The following CUL3 variants were observed in gnomAD, a reference collection of about 807,000 sequenced individuals.
CUL3 encodes the protein cullin 3, also known as cullin-3.
Under a neutral mutation model 89.1 loss-of-function variants are expected in CUL3, and 19 were observed. That is an observed-to-expected ratio of 0.21 (90% CI 0.15 to 0.31). The LOEUF is 0.31. CUL3 is among the 10% of genes least tolerant of loss of function. The pLI is 1.00. For missense variants in CUL3, 469 were observed against 942.3 expected, an observed-to-expected ratio of 0.50 and a Z score of 6.58; for synonymous variants, 351 against 308.4, an observed-to-expected ratio of 1.14 and a Z score of -1.45.
chr2:224,472,553 C>G lies in CUL3; in HGVS notation c.*1692G>C, dbSNP rs1691168817. 5.4e-6 allele frequency: 1 copy of G among 186,612 alleles called. No homozygotes were observed. The highest frequency in any genetic ancestry group is 1.1e-5 in the Non-Finnish European group (1 of 88,454). 11.6% of individuals were successfully genotyped at this position (186,612 alleles called of 1,614,324 possible). ...ATGTTACACCTGACTTAGTACTACT[C>G]AAGTATGGTAAAAGTGTCCTGAGAA... On this transcript the variant is annotated 3_prime_UTR_variant, in exon 16 of 16. Transcript: ENST00000264414.
chr2:224,474,531 A>AAATGT, intron 15 of CUL3, 155 bp from the exon 16 acceptor site: 1 of 616,660 alleles, frequency 1.6e-6, no homozygotes, highest in South Asian at 2.3e-5. Context: ...TTCTGTTTGA[A>AAATGT]AATGTAATAT....
intron 1 of CUL3, among the ~76,000 whole-genome samples, chr2:224,558,211 G>A (rs1694784153): frequency 6.6e-6 from 1 of 151,966 alleles, no homozygotes; most frequent in South Asian, 2.1e-4. Context: ...AATCCCAACA[G>A]CCCACATACT....
At chr2:224,511,636 G>A in intron 5 of CUL3, 54 bp from the exon 6 acceptor site, 1 of 1,019,526 alleles carries the variant, frequency 9.8e-7, no homozygotes, top group South Asian at 1.7e-5. Context: ...GAGTGTTTTT[G>A]CTTTTAGCTG....
chr2:224,483,606 A>C (rs1691610030), intron 13 of CUL3, among the ~76,000 whole-genome samples: 1 of 152,218 alleles, frequency 6.6e-6, no homozygotes, highest in African/African-American at 2.4e-5. Flanking sequence ...ACATGAATAC[A>C]AGTATATGCA....
intron 1 of CUL3, among the ~76,000 whole-genome samples, chr2:224,567,014 A>G (rs921865948): frequency 1.3e-5 from 2 of 152,130 alleles, no homozygotes; most frequent in African/African-American, 2.4e-5. Context: ...ATTTCTTGTA[A>G]CGTCATGACT....
At chr2:224,563,520 GAT>G (rs1426435954) in intron 1 of CUL3, among the ~76,000 whole-genome samples, 2 of 152,102 alleles carry the variant, frequency 1.3e-5, no homozygotes, top group Non-Finnish European at 2.9e-5. Flanking sequence ...TCTTAAAGAA[GAT>G]AAACTACAAC....
chr2:224,488,129 C>T (rs1030407243), intron 13 of CUL3, among the ~76,000 whole-genome samples: 4 of 152,054 alleles, frequency 2.6e-5, no homozygotes, highest in African/African-American at 9.7e-5. Flanking sequence ...GCACTAATTG[C>T]CCACAGGAGA....
At chr2:224,568,736 A>G (rs746085043) in intron 1 of CUL3, among the ~76,000 whole-genome samples, 1 of 152,188 alleles carries the variant, frequency 6.6e-6, no homozygotes, top group Admixed American at 6.5e-5. Flanking sequence ...AAAAGGGTAG[A>G]CGAAATAGGC....
rs1692218822 is a variant in CUL3, at chr2:224,497,690, C to G, written c.1707+63G>C. ...GTAATTTACCCAGGTCAACATAAAT[C>G]ACACATCAGCTCTAATAGACTAACT... On this transcript the variant is annotated intron_variant, in intron 12 of 15. Coordinates refer to ENST00000264414, the MANE Select transcript of CUL3 (RefSeq NM_003590.5). 1.6e-5 allele frequency: 19 copies of G among 1,221,862 alleles called. No homozygotes were observed. In the Admixed American group the frequency reaches 3.4e-4, roughly 22 times the overall value. The allele number at this position is 1,221,862 out of a possible 1,614,324, so 75.7% of individuals were successfully genotyped here. A position where few individuals can be genotyped will look rare whatever the true frequency, so the allele number is the denominator to read the frequency against.
intron 3 of CUL3, among the ~76,000 whole-genome samples, chr2:224,530,523 G>T (rs1319544179): frequency 6.6e-6 from 1 of 152,100 alleles, no homozygotes; most frequent in African/African-American, 2.4e-5. Flanking sequence ...CTTAAATGAG[G>T]TATCGGTTAG....
intron 6 of CUL3, among the ~76,000 whole-genome samples, chr2:224,508,388 A>G (rs1453126790): frequency 1.3e-5 from 2 of 152,194 alleles, no homozygotes; most frequent in African/African-American, 4.8e-5. Context: ...AGTTTCCCAT[A>G]TTTAGAACAG....
At chr2:224,476,101 G>A (rs1691310282) in intron 15 of CUL3, among the ~76,000 whole-genome samples, 1 of 151,622 alleles carries the variant, frequency 6.6e-6, no homozygotes, top group Non-Finnish European at 1.5e-5. Context: ...TCGGCTCACT[G>A]CAACCTTCGC....
intron 3 of CUL3, among the ~76,000 whole-genome samples, chr2:224,531,889 A>T (rs13029167): frequency 0.18 from 28,043 of 152,136 alleles, 2,929 homozygotes; most frequent in South Asian, 0.27. Flanking sequence ...AACAGAGAAG[A>T]GCCCAGTGAA....
intron 2 of CUL3, among the ~76,000 whole-genome samples, chr2:224,542,034 T>C (rs1168743042): frequency 6.6e-6 from 1 of 152,206 alleles, no homozygotes; most frequent in Non-Finnish European, 1.5e-5. Context: ...AGGCCAATTT[T>C]ATTATACACT....
At chr2:224,561,428 G>A (rs1694898412) in intron 1 of CUL3, among the ~76,000 whole-genome samples, 1 of 152,190 alleles carries the variant, frequency 6.6e-6, no homozygotes, top group South Asian at 2.1e-4. Flanking sequence ...GTGTATGAAT[G>A]TGAAAAGAGG....
intron 1 of CUL3, among the ~76,000 whole-genome samples, chr2:224,571,153 A>G (rs1361007983): frequency 1.3e-5 from 2 of 152,194 alleles, no homozygotes; most frequent in East Asian, 3.9e-4. Flanking sequence ...TAGAGATGTT[A>G]CAGGACTCCC....
Position 224,473,153 on chromosome 2 carries a change from T to C in CUL3, c.*1092A>G, listed in dbSNP as rs1282698976. On this transcript the variant is annotated 3_prime_UTR_variant, in exon 16 of 16. Transcript: ENST00000264414. ...GGTTTGAGAAATATTGCTTAATCAC[T>C]TTCCAAAACACAGCTGCAAGAATTG... 1 of 202,016 alleles carries C rather than the reference T, an allele frequency of 5.0e-6. No homozygotes were observed. Among genetic ancestry groups the C allele is most frequent in the East Asian group, 7.6e-5 (1 of 13,120 alleles). The allele number at this position is 202,016 out of a possible 1,614,324, so 12.5% of individuals were successfully genotyped here.
In CUL3 at chr2:224,473,076, C is replaced by T. The variant is rs1574603527; in HGVS notation, c.*1169G>A. ...TCAGCACAAAGCACATGTTTGAAAA[C>T]GTGAAACGATGACTCTTTGGAGGAC... On this transcript the variant is annotated 3_prime_UTR_variant, in exon 16 of 16. Transcript: ENST00000264414. 1.5e-5 allele frequency: 3 copies of T among 200,902 alleles called. No individual in the cohort carries two copies. In the South Asian group the frequency reaches 5.7e-4, roughly 38 times the overall value. 12.4% of individuals were successfully genotyped at this position (200,902 alleles called of 1,614,324 possible). A position where few individuals can be genotyped will look rare whatever the true frequency, so the allele number is the denominator to read the frequency against.
intron 2 of CUL3, among the ~76,000 whole-genome samples, chr2:224,550,343 C>T (rs777816067): frequency 6.6e-6 from 1 of 152,180 alleles, no homozygotes; most frequent in Non-Finnish European, 1.5e-5. Flanking sequence ...GTGACTGTGA[C>T]TCCATCACAT....
Sources: allele counts gnomAD v4.1 joint callset (sites outside exome capture counted in the v4.1 genomes callset), GRCh38; gene constraint gnomAD v4.1.1; transcripts MANE v1.5; gene names NCBI Gene and HGNC (gene_info 2026-07-23, HGNC 2026-07-21).